Variants in TENM4 observed in about 807,000 individuals in gnomAD.
TENM4 encodes teneurin transmembrane protein 4.
A neutral mutation model predicts 243.3 loss-of-function variants in TENM4; 82 were observed. The ratio of observed to expected loss-of-function variants is 0.34; its 90% CI spans 0.28 to 0.40. TENM4 has a LOEUF of 0.40. Ranked by LOEUF, TENM4 falls within the 10% of genes least tolerant of loss-of-function variation. The pLI is 1.00. For synonymous variants in TENM4, 1,412 were observed against 1,456.3 expected (o/e 0.97, Z 0.69); for missense variants, 3,138 against 3,673.3 (o/e 0.85, Z 3.77).
At chr11:78,665,015 T>G (rs982281816) in intron 32 of TENM4, among the ~76,000 whole-genome samples, 6 of 152,202 alleles carry the variant, frequency 3.9e-5, no homozygotes, top group Non-Finnish European at 5.9e-5. Context: ...TTACTCTTCC[T>G]TCTTACCATA....
chr11:79,256,696 G>T (rs1273174551), intron 2 of TENM4, among the ~76,000 whole-genome samples: 1 of 152,180 alleles, frequency 6.6e-6, no homozygotes, highest in Non-Finnish European at 1.5e-5. Context: ...CAATGACTTT[G>T]TCTCTTGGAT....
chr11:79,103,978 C>T (rs1861298523), intron 4 of TENM4, among the ~76,000 whole-genome samples: 1 of 152,190 alleles, frequency 6.6e-6, no homozygotes. Context: ...AATTCTCTTT[C>T]ATCCAGGGCG....
rs34863597 is a variant in TENM4, at chr11:78,771,068, G to A, written c.2463C>T (p.Cys821=). ...AGCCAGCTCCTCTCCAGCCCAGCTG[G>A]CAGACGCAGTGCCAACCATTCAGGT... ...TLDLNGWHCV[C]QLGWRGAGCD... is the part of the protein sequence containing the mutation. Residue 821 remains cysteine (C), a synonymous_variant, in exon 18 of 34, where the codon TGC becomes TGT. Transcript: ENST00000278550. The A allele has an allele frequency of 0.083, 131,541 of 1,577,780 alleles. 6,381 individuals are homozygous for A. The highest frequency in any genetic ancestry group is 0.096 in the Non-Finnish European group (111,501 of 1,161,554).
Position 79,336,872 on chromosome 11 carries a change from A to G in TENM4, c.-320-39329T>C, listed in dbSNP as rs186108549. Among the ~76,000 whole-genome samples, 4 of 152,194 alleles carry G rather than the reference A, an allele frequency of 2.6e-5. No individual in the cohort carries two copies. The South Asian group carries it at 8.3e-4, about 32-fold the overall frequency. On this transcript the variant is annotated intron_variant, in intron 1 of 33. Coordinates refer to ENST00000278550, the MANE Select transcript of TENM4 (RefSeq NM_001098816.3). ...CTGGGATTGGGCAGTGTTCACATCGACATTTACTGAATTGTGCCCTGCAGG... is the reference window on the plus strand; with the variant it reads ...CTGGGATTGGGCAGTGTTCACATCGGCATTTACTGAATTGTGCCCTGCAGG...
At chr11:79,028,558 C>A (rs1337309081) in intron 6 of TENM4, among the ~76,000 whole-genome samples, 1 of 152,224 alleles carries the variant, frequency 6.6e-6, no homozygotes, top group African/African-American at 2.4e-5. Flanking sequence ...GTAATCCTCA[C>A]TCCTACTCCC....
intron 4 of TENM4, among the ~76,000 whole-genome samples, chr11:79,119,973 G>T (rs182749791): frequency 6.6e-6 from 1 of 152,308 alleles, no homozygotes. Context: ...TTGGCACCAG[G>T]CCACAGGCAC....
intron 3 of TENM4, among the ~76,000 whole-genome samples, chr11:79,164,745 T>A (rs1862871761): frequency 6.6e-6 from 1 of 151,386 alleles, no homozygotes; most frequent in African/African-American, 2.4e-5. Flanking sequence ...AGTCAAAAAG[T>A]CTCACAAGAT....
chr11:79,313,092 A>T (rs1856748599), intron 1 of TENM4, among the ~76,000 whole-genome samples: 1 of 152,182 alleles, frequency 6.6e-6, no homozygotes, highest in Non-Finnish European at 1.5e-5. Context: ...AAGGAAGTAG[A>T]TCTTGCATCA....
Position 78,854,194 on chromosome 11 carries a change from T to A in TENM4, c.1591A>T (p.Ile531Phe). 6.4e-7 allele frequency: 1 copy of A among 1,551,706 alleles called. No individual in the cohort carries two copies. Among genetic ancestry groups the A allele is most frequent in the Non-Finnish European group, 8.7e-7 (1 of 1,146,966 alleles). Residue 531 changes from isoleucine to phenylalanine, a missense_variant, in exon 12 of 34, where the codon ATC becomes TTC. By Grantham distance (21) the Ile-to-Phe change is conservative. Coordinates refer to ENST00000278550, the MANE Select transcript of TENM4 (RefSeq NM_001098816.3). ...CAGATTCCTGAATCCAAATACTGGA[T>A]GAAGCCTGTCTCATGGCTGGAGGGG... ...VPPSSHETGFIQYLDSGIWHL... is the reference protein window; with the variant it reads ...VPPSSHETGFFQYLDSGIWHL...
intron 2 of TENM4, among the ~76,000 whole-genome samples, chr11:79,261,725 G>A (rs1166588465): frequency 6.6e-6 from 1 of 152,106 alleles, no homozygotes; most frequent in Non-Finnish European, 1.5e-5. Flanking sequence ...CTATGTGTTT[G>A]GAGATGAAAC....
rs1214574455 is a variant in TENM4, at chr11:78,756,812, C to T, written c.2749G>A (p.Asp917Asn). 2 of 1,613,194 alleles carry T rather than the reference C, an allele frequency of 1.2e-6. No individual in the cohort carries two copies. The highest frequency in any genetic ancestry group is 4.5e-5 in the East Asian group (2 of 44,844). ...THIIPGENPF[D>N]GGHACVIRGQ... The stretch of plus-strand genomic sequence containing the variant: ...TGGGGCCCTCGGACTCACCCTCCAT[C>T]AAAGGGGTTCTCCCCGGGGATTATG... The change falls in exon 19 of 34, where the codon GAT becomes AAT. Residue 917 changes from aspartate to asparagine, a missense_variant. By Grantham distance (23) the Asp-to-Asn change is conservative. Around this residue, in one of 2 missense-constraint regions of TENM4, gnomAD observed 2,467 missense variants for 3,059.1 expected, o/e 0.81. Transcript: ENST00000278550.
intron 12 of TENM4, among the ~76,000 whole-genome samples, chr11:78,822,090 C>T (rs1030213885): frequency 3.3e-5 from 5 of 152,120 alleles, no homozygotes; most frequent in African/African-American, 4.8e-5. Context: ...TATTTTCAGT[C>T]GCTGGATGTA....
At position 78,854,090 on chromosome 11, in the gene TENM4, T is replaced by C; in HGVS notation, c.1681+14A>G. The C allele has an allele frequency of 6.5e-7, 1 of 1,549,670 alleles. No individual in the cohort carries two copies. Among genetic ancestry groups the C allele is most frequent in the Non-Finnish European group, 8.7e-7 (1 of 1,145,704 alleles). On this transcript the variant is annotated intron_variant, in intron 12 of 33. Coordinates refer to ENST00000278550, the MANE Select transcript of TENM4 (RefSeq NM_001098816.3). ...ACAATATCCCACAGCCCCCAGAGGG[T>C]GTGGCTCCCTTACCAATGGCAGTGG...
chr11:79,210,694 C>G (rs1863939745), intron 3 of TENM4, among the ~76,000 whole-genome samples: 1 of 152,170 alleles, frequency 6.6e-6, no homozygotes, highest in Admixed American at 6.5e-5. Context: ...AAAACACCGC[C>G]AACTGCTGCG....
At chr11:79,345,586 ACT>A (rs1409743413) in intron 1 of TENM4, among the ~76,000 whole-genome samples, 1 of 152,092 alleles carries the variant, frequency 6.6e-6, no homozygotes. Context: ...GAAAAAGCAC[ACT>A]CTTCAGAGGG....
chr11:78,983,279 A>AC (rs1458373106), intron 6 of TENM4, among the ~76,000 whole-genome samples: 1 of 152,180 alleles, frequency 6.6e-6, no homozygotes, highest in Non-Finnish European at 1.5e-5. Flanking sequence ...CTGGTGATAG[A>AC]CCAGTGATGC....
At chr11:78,818,960 G>GT (rs1266795939) in intron 12 of TENM4, among the ~76,000 whole-genome samples, 2 of 120,418 alleles carry the variant, frequency 1.7e-5, no homozygotes, top group African/African-American at 6.8e-5. Flanking sequence ...GTGGGTCCTG[G>GT]TAAAAAAAAA....
chr11:79,410,152 A>G (rs987776553), intron 1 of TENM4, among the ~76,000 whole-genome samples: 6 of 152,168 alleles, frequency 3.9e-5, no homozygotes, highest in African/African-American at 1.2e-4. Context: ...TGCGGGTTGG[A>G]CAAGCTTGCT....
At chr11:79,365,276 G>T (rs1204219639) in intron 1 of TENM4, among the ~76,000 whole-genome samples, 3 of 152,134 alleles carry the variant, frequency 2.0e-5, no homozygotes, top group Admixed American at 2.0e-4. Flanking sequence ...TAAAGAGTTT[G>T]CTGGTCTTTG....
Sources: allele counts gnomAD v4.1 joint callset (sites outside exome capture counted in the v4.1 genomes callset), GRCh38; gene constraint gnomAD v4.1.1; regional missense constraint gnomAD v4.1.1; transcripts MANE v1.5; gene names NCBI Gene and HGNC (gene_info 2026-07-23, HGNC 2026-07-21).